Variants in TSPAN7 observed in about 807,000 individuals in gnomAD.
The protein encoded by TSPAN7 is tetraspanin 7.
In TSPAN7, 1 loss-of-function variant was observed where a neutral mutation model predicts 17.6. The ratio of observed to expected loss-of-function variants is 0.06; its 90% confidence interval spans 0.02 to 0.27. The LOEUF is 0.27. TSPAN7 is among the 10% of genes least tolerant of loss of function. The probability of loss-of-function intolerance (pLI) is 1.00; values close to 1 mark genes in which losing one functional copy is unlikely to be tolerated. For synonymous variants in TSPAN7, 78 were observed against 79.0 expected, an observed-to-expected ratio of 0.99 and a Z score of 0.07; for missense variants, 112 against 201.7, an observed-to-expected ratio of 0.56 and a Z score of 2.69.
intron 1 of TSPAN7, among the ~76,000 whole-genome samples, chrX:38,624,865 G>C (rs1320695271): frequency 8.9e-6 from 1 of 112,492 alleles, no homozygotes; most frequent in African/African-American, 3.2e-5. Flanking sequence ...GTGTGTCCCA[G>C]GAATCAGGAT....
intron 1 of TSPAN7, among the ~76,000 whole-genome samples, chrX:38,609,693 C>T (rs1220786082): frequency 9.2e-6 from 1 of 108,525 alleles, no homozygotes; most frequent in Non-Finnish European, 1.9e-5. Flanking sequence ...CCTCTATCTC[C>T]TACAAGGCTA....
At chrX:38,564,314 A>G (rs766962862) in intron 1 of TSPAN7, among the ~76,000 whole-genome samples, 5 of 112,122 alleles carry the variant, frequency 4.5e-5, no homozygotes, top group African/African-American at 1.6e-4. Context: ...AGTGTATATC[A>G]GTACTTCATT....
At chrX:38,681,826 G>A (rs1375328061) in intron 6 of TSPAN7, among the ~76,000 whole-genome samples, 1 of 111,774 alleles carries the variant, frequency 8.9e-6, no homozygotes, top group East Asian at 2.8e-4. Context: ...ATCAAATTTT[G>A]TGTATTAAAT....
At chrX:38,645,824 A>G (rs2069641874) in intron 1 of TSPAN7, among the ~76,000 whole-genome samples, 1 of 111,952 alleles carries the variant, frequency 8.9e-6, no homozygotes, top group Non-Finnish European at 1.9e-5. Flanking sequence ...GGAAGCACTC[A>G]ATAATAACAT....
chrX:38,626,792 A>G (rs1212412836), intron 1 of TSPAN7, among the ~76,000 whole-genome samples: 1 of 111,697 alleles, frequency 9.0e-6, no homozygotes, highest in African/African-American at 3.3e-5. Flanking sequence ...GCATTCAATA[A>G]TTACTTTATT....
At chrX:38,607,513 G>A (rs2069390359) in intron 1 of TSPAN7, among the ~76,000 whole-genome samples, 1 of 111,088 alleles carries the variant, frequency 9.0e-6, no homozygotes, top group African/African-American at 3.3e-5. Context: ...GCAGGTACCC[G>A]GACCCCACAC....
chrX:38,619,734 A>G (rs2069478847), intron 1 of TSPAN7, among the ~76,000 whole-genome samples: 1 of 112,186 alleles, frequency 8.9e-6, no homozygotes, highest in Non-Finnish European at 1.9e-5. Flanking sequence ...GTAAAATTGT[A>G]TATAACTTAA....
intron 1 of TSPAN7, among the ~76,000 whole-genome samples, chrX:38,642,160 T>TA (rs1480304673): frequency 8.9e-6 from 1 of 111,777 alleles, no homozygotes; most frequent in Admixed American, 9.5e-5. Context: ...TCCCAGAGAT[T>TA]AAAGGGAGCA....
At chrX:38,606,708 C>T (rs1372367232) in intron 1 of TSPAN7, among the ~76,000 whole-genome samples, 1 of 111,943 alleles carries the variant, frequency 8.9e-6, no homozygotes, top group African/African-American at 3.2e-5. Context: ...ATGGGGCCCC[C>T]TTTGTGAAGT....
chrX:38,620,500 G>T (rs1315296357), intron 1 of TSPAN7, among the ~76,000 whole-genome samples: 1 of 111,400 alleles, frequency 9.0e-6, no homozygotes, highest in East Asian at 2.8e-4. Context: ...AATTCATTCT[G>T]TGTCACAAAT....
chrX:38,675,908 G>C (rs2069850836), intron 5 of TSPAN7, 48 bp downstream of exon 5: 1 of 1,173,097 alleles, frequency 8.5e-7, no homozygotes, highest in Non-Finnish European at 1.2e-6. Context: ...GAATGTTTGG[G>C]GGGGCTTTTT....
intron 1 of TSPAN7, among the ~76,000 whole-genome samples, chrX:38,600,396 T>C (rs954692793): frequency 3.6e-5 from 4 of 111,584 alleles, no homozygotes; most frequent in Admixed American, 1.9e-4. Context: ...TACATTCTTT[T>C]TTTGTAAAGC....
intron 1 of TSPAN7, among the ~76,000 whole-genome samples, chrX:38,569,253 T>C (rs1035948521): frequency 3.6e-5 from 4 of 111,272 alleles, no homozygotes; most frequent in Non-Finnish European, 7.5e-5. Context: ...TCTCTTCTTT[T>C]GGTCTCATCA....
intron 1 of TSPAN7, among the ~76,000 whole-genome samples, chrX:38,626,713 G>A (rs6610166): frequency 0.062 from 6,903 of 111,515 alleles, 546 homozygotes; most frequent in African/African-American, 0.21. Flanking sequence ...AGGTGTGTAG[G>A]GGTGCTGCAG....
intron 1 of TSPAN7, chrX:38,566,258 A>G: frequency 1.3e-6 from 1 of 742,909 alleles, no homozygotes; most frequent in South Asian, 2.9e-5. Context: ...TGGTTAAATA[A>G]TATCACCTGA....
At chrX:38,677,301 G>T (rs778374644) in intron 5 of TSPAN7, among the ~76,000 whole-genome samples, 5 of 112,289 alleles carry the variant, frequency 4.5e-5, no homozygotes, top group Non-Finnish European at 9.4e-5. Flanking sequence ...ATGAGATAAA[G>T]TGTCAAAAGC....
rs180984741 is a variant in TSPAN7 at position 38,652,711 on chromosome X, G to C, written c.82-13410G>C. Among the ~76,000 whole-genome samples the C allele has an allele frequency of 8.9e-5, 10 of 112,441 alleles. No individual in the cohort carries two copies. The South Asian group carries it at 1.8e-3, about 21-fold the overall frequency. Reference sequence around the variant, plus strand: ...AAGGGGCACGGGAGGCCCGTCCCAGGAAAGGAGAAGGGAAAAGGCCAGTGC... The same window carrying C: ...AAGGGGCACGGGAGGCCCGTCCCAGCAAAGGAGAAGGGAAAAGGCCAGTGC... On this transcript the variant is annotated intron_variant, in intron 1 of 7. Transcript: ENST00000378482.
intron 1 of TSPAN7, among the ~76,000 whole-genome samples, chrX:38,642,690 G>A (rs1569310730): frequency 8.9e-6 from 1 of 112,010 alleles, no homozygotes; most frequent in African/African-American, 3.2e-5. Flanking sequence ...ACAAGAGTAA[G>A]CAGCTGGAGG....
chrX:38,638,650 T>C (rs2069595272), intron 1 of TSPAN7, among the ~76,000 whole-genome samples: 2 of 111,451 alleles, frequency 1.8e-5, no homozygotes, highest in Non-Finnish European at 3.8e-5. Context: ...GCCTCAATTG[T>C]GTGGAACCTT....
Sources: gnomAD v4.1 joint callset for allele counts (sites outside exome capture counted in the v4.1 genomes callset) on GRCh38, gnomAD v4.1.1 for gene constraint, MANE v1.5 for transcripts, NCBI Gene and HGNC (gene_info 2026-07-23, HGNC 2026-07-21) for gene names.